Variants in NCOA6 observed in about 807,000 individuals in gnomAD.
The protein encoded by NCOA6 is nuclear receptor coactivator 6.
A neutral mutation model predicts 171.4 loss-of-function variants in NCOA6; 49 were observed. The ratio of observed to expected loss-of-function variants is 0.29; its 90% confidence interval spans 0.23 to 0.36. The LOEUF (loss-of-function observed/expected upper bound fraction) is 0.36, where lower values mean the gene tolerates loss of function less well. Ranked by LOEUF, NCOA6 falls within the 10% of genes least tolerant of loss-of-function variation. NCOA6 has a pLI of 1.00. For synonymous variants in NCOA6, 910 were observed against 927.5 expected, an observed-to-expected ratio of 0.98 and a Z score of 0.34; for missense variants, 2,248 against 2,554.5, an observed-to-expected ratio of 0.88 and a Z score of 2.59.
chr20:34,822,605 A>G (rs2079040403), intron 1 of NCOA6, among the ~76,000 whole-genome samples: 1 of 152,160 alleles, frequency 6.6e-6, no homozygotes, highest in African/African-American at 2.4e-5. Context: ...TACTTCACTC[A>G]TGGGGCTGCA....
Position 34,782,356 on chromosome 20 carries a change from G to A in NCOA6, c.-1C>T, listed in dbSNP as rs2077535566. The stretch of plus-strand genomic sequence containing the variant: ...AGTTTGGAAGGTCATCCAAAACCAT[G>A]GTGAATATTATTCCAGAAGCATATG... On this transcript the variant is annotated 5_prime_UTR_variant, in exon 3 of 15. Transcript: ENST00000359003. 5.1e-6 allele frequency: 8 copies of A among 1,564,874 alleles called. No individual in the cohort carries two copies. Among genetic ancestry groups the A allele is most frequent in the Admixed American group, 1.8e-5 (1 of 55,968 alleles).
Position 34,742,595 on chromosome 20 carries a change from A to G in NCOA6, c.3661T>C (p.Tyr1221His). Residue 1221 changes from tyrosine (Y) to histidine (H), a missense_variant, in exon 11 of 15, where the codon TAT becomes CAT. By Grantham distance (83) the Tyr-to-His change is moderately conservative (BLOSUM62 2). Transcript: ENST00000359003. ...GGGCGGTTGTTGGGTGTCTGAGGAT[A>G]ATAGGGTCTGGGGCTGGCTCTGTTT... ...TPNRASPRPYYPQTPNNRPPS... is the reference protein window; with the variant it reads ...TPNRASPRPYHPQTPNNRPPS... The G allele has an allele frequency of 6.2e-7, 1 of 1,614,128 alleles. No individual in the cohort carries two copies. Among genetic ancestry groups the G allele is most frequent in the Non-Finnish European group, 8.5e-7 (1 of 1,180,020 alleles).
intron 1 of NCOA6, among the ~76,000 whole-genome samples, chr20:34,813,697 A>G (rs2078745848): frequency 6.6e-6 from 1 of 152,156 alleles, no homozygotes; most frequent in Non-Finnish European, 1.5e-5. Flanking sequence ...ACATATGACA[A>G]CATGTTGAAT....
intron 12 of NCOA6, 79 bp downstream of exon 12, chr20:34,736,611 A>T: frequency 8.3e-7 from 1 of 1,201,602 alleles, no homozygotes; most frequent in South Asian, 1.5e-5. Flanking sequence ...GCATAAGAAC[A>T]CACGACATTG....
At chr20:34,807,981 C>G (rs1018690288) in intron 1 of NCOA6, among the ~76,000 whole-genome samples, 10 of 151,588 alleles carry the variant, frequency 6.6e-5, no homozygotes, top group African/African-American at 2.4e-4. Flanking sequence ...GAAACCCTGT[C>G]TCTACTAAAA....
chr20:34,749,636 G>T lies in NCOA6; in HGVS notation c.2559C>A (p.Phe853Leu). ...GNHFSGHGMS[F>L]NAPFSGAPNG... Reference sequence around the variant, plus strand: ...TGGGAGCTCCACTGAAAGGTGCATTGAAAGACATCCCATGGCCTGAGAAGT... The same window carrying T: ...TGGGAGCTCCACTGAAAGGTGCATTTAAAGACATCCCATGGCCTGAGAAGT... The change falls in exon 9 of 15, where the codon TTC becomes TTA. Residue 853 changes from phenylalanine to leucine, a missense_variant. Coordinates refer to ENST00000359003, the MANE Select transcript of NCOA6 (RefSeq NM_014071.5). The T allele has an allele frequency of 1.2e-6, 2 of 1,614,210 alleles. No individual in the cohort carries two copies. The highest frequency in any genetic ancestry group is 1.7e-6 in the Non-Finnish European group (2 of 1,180,040).
chr20:34,782,312 G>C lies in NCOA6; in HGVS notation c.44C>G (p.Ser15Cys). The C allele has an allele frequency of 1.9e-6, 3 of 1,612,492 alleles. No homozygotes were observed. The highest frequency in any genetic ancestry group is 2.5e-6 in the Non-Finnish European group (3 of 1,179,344). The change falls in exon 3 of 15, where the codon TCC becomes TGC. Residue 15 changes from serine (S) to cysteine (C), a missense_variant. By Grantham distance (112) the Ser-to-Cys change is moderately radical. This residue lies in a region of NCOA6 where 987 missense variants were observed against 1,104.7 expected (regional missense o/e 0.89). Coordinates refer to ENST00000359003, the MANE Select transcript of NCOA6 (RefSeq NM_014071.5). ...DLPNLEDIYT[S>C]LCSSTMEDSE... is the part of the protein sequence containing the mutation. The stretch of plus-strand genomic sequence containing the variant: ...GTCTTCCATTGTTGATGAACACAAG[G>C]AAGTATAGATGTCTTCTAAGTTTGG...
At chr20:34,722,684 G>GAAAAAAAAA (rs112692497) in intron 14 of NCOA6, among the ~76,000 whole-genome samples, 1 of 90,514 alleles carries the variant, frequency 1.1e-5, no homozygotes, top group African/African-American at 3.9e-5. Flanking sequence ...TGTCTCAAAT[G>GAAAAAAAAA]AAAAAAAAAA....
Position 34,787,138 on chromosome 20 carries a change from C to A in NCOA6, c.-49-4734G>T, listed in dbSNP as rs554385911. Among the ~76,000 whole-genome samples the A allele has an allele frequency of 3.3e-5, 5 of 151,180 alleles. No homozygotes were observed. In the South Asian group the frequency reaches 1.0e-3, roughly 32 times the overall value. On this transcript the variant is annotated intron_variant, in intron 2 of 14. Coordinates refer to ENST00000359003, the MANE Select transcript of NCOA6 (RefSeq NM_014071.5). ...CAAATTTATGAAAAAAAAAAAACAA[C>A]CCCATTAAAAAGTGCGCTTTCAGGT...
intron 14 of NCOA6, among the ~76,000 whole-genome samples, chr20:34,723,841 C>T (rs1182662037): frequency 6.6e-6 from 1 of 152,164 alleles, no homozygotes; most frequent in African/African-American, 2.4e-5. Flanking sequence ...TGTAAATAAC[C>T]CTTTAGTACC....
intron 10 of NCOA6, among the ~76,000 whole-genome samples, chr20:34,743,772 C>T (rs1176662782): frequency 6.6e-6 from 1 of 152,180 alleles, no homozygotes; most frequent in Non-Finnish European, 1.5e-5. Flanking sequence ...TGAAGTAAAG[C>T]ATTTAGGATT....
Position 34,740,607 on chromosome 20 carries a change from T to G in NCOA6, c.5649A>C (p.Ala1883=), listed in dbSNP as rs2076106860. ...TAGAGGTCATTTTTAGCAGAGTGGG[T>G]GCTGGGGGCGTTGGGGTTTTACTGT... ...ELDSKTPTPP[A]PTLLKMTSSP... The change falls in exon 11 of 15, where the codon GCA becomes GCC. Residue 1883 remains alanine, a synonymous_variant. Transcript: ENST00000359003. 6.2e-7 allele frequency: 1 copy of G among 1,614,074 alleles called. No individual in the cohort carries two copies. Among genetic ancestry groups the G allele is most frequent in the African/African-American group, 1.3e-5 (1 of 74,928 alleles).
chr20:34,749,864 T>C lies in NCOA6; in HGVS notation c.2331A>G (p.Pro777=). The C allele has an allele frequency of 6.2e-7, 1 of 1,614,234 alleles. No individual in the cohort carries two copies. Among genetic ancestry groups the C allele is most frequent in the Non-Finnish European group, 8.5e-7 (1 of 1,180,038 alleles). Residue 777 remains proline, a synonymous_variant, in exon 9 of 15, where the codon CCA becomes CCG. Coordinates refer to ENST00000359003, the MANE Select transcript of NCOA6 (RefSeq NM_014071.5). ...LPQQGPVNNS[P]SQVMGIQGQV... is the part of the protein sequence containing the mutation. ...GTCCCTGAATGCCCATAACCTGAGATGGACTGTTGTTCACAGGCCCTTGCT... is the reference window on the plus strand; with the variant it reads ...GTCCCTGAATGCCCATAACCTGAGACGGACTGTTGTTCACAGGCCCTTGCT...
intron 4 of NCOA6, among the ~76,000 whole-genome samples, chr20:34,774,666 G>A (rs933202905): frequency 6.6e-6 from 1 of 152,188 alleles, no homozygotes; most frequent in African/African-American, 2.4e-5. Flanking sequence ...GGAATTGCTG[G>A]TTGTCACCTG....
At chr20:34,764,965 T>C (rs1232415303) in intron 5 of NCOA6, among the ~76,000 whole-genome samples, 1 of 151,336 alleles carries the variant, frequency 6.6e-6, no homozygotes, top group Non-Finnish European at 1.5e-5. Flanking sequence ...AATACAAAAA[T>C]TAGCCAATTA....
At chr20:34,734,734 C>T (rs2075898439) in intron 12 of NCOA6, among the ~76,000 whole-genome samples, 2 of 151,878 alleles carry the variant, frequency 1.3e-5, no homozygotes, top group Non-Finnish European at 2.9e-5. Context: ...CTCACCGCAA[C>T]CTCTGCGTCC....
chr20:34,728,272 T>C (rs1990210148), intron 13 of NCOA6, among the ~76,000 whole-genome samples: 1 of 152,134 alleles, frequency 6.6e-6, no homozygotes, highest in African/African-American at 2.4e-5. Flanking sequence ...GGTATATTGA[T>C]TGTCCACACC....
chr20:34,717,017 T>C (rs1176050599), intron 14 of NCOA6, among the ~76,000 whole-genome samples: 1 of 152,272 alleles, frequency 6.6e-6, no homozygotes, highest in Non-Finnish European at 1.5e-5. Flanking sequence ...CTGAATTTTC[T>C]GATACTGCAT....
chr20:34,813,307 A>C (rs2078730358), intron 1 of NCOA6, among the ~76,000 whole-genome samples: 1 of 151,826 alleles, frequency 6.6e-6, no homozygotes, highest in African/African-American at 2.4e-5. Context: ...CTCTACTGAA[A>C]ATATAAAAAT....
Sources: allele counts gnomAD v4.1 joint callset (sites outside exome capture counted in the v4.1 genomes callset), GRCh38; gene constraint gnomAD v4.1.1; regional missense constraint gnomAD v4.1.1; transcripts MANE v1.5; gene names NCBI Gene and HGNC (gene_info 2026-07-23, HGNC 2026-07-21).